HEATR1: variants seen among roughly 807,000 people sequenced by gnomAD.
HEATR1 encodes the protein HEAT repeat-containing protein 1.
Under a neutral mutation model 248.2 loss-of-function variants are expected in HEATR1, and 77 were observed. The ratio of observed to expected loss-of-function variants is 0.31; its 90% CI spans 0.26 to 0.37. HEATR1 has a LOEUF of 0.37. Ranked by LOEUF, HEATR1 falls within the 10% of genes least tolerant of loss-of-function variation. The pLI is 1.00. For missense variants in HEATR1, 2,420 were observed against 2,504.9 expected (o/e 0.97, Z 0.72); for synonymous variants, 897 against 923.1 (o/e 0.97, Z 0.51).
chr1:236,597,544 C>A (rs1189999484), intron 5 of HEATR1, among the ~76,000 whole-genome samples: 1 of 152,152 alleles, frequency 6.6e-6, no homozygotes, highest in East Asian at 1.9e-4. Flanking sequence ...TGAGCCACCG[C>A]ACCTGGCCTT....
intron 17 of HEATR1, 109 bp from the exon 18 acceptor site, chr1:236,583,305 G>A (rs115571840): frequency 3.9e-5 from 35 of 898,136 alleles, no homozygotes; most frequent in Non-Finnish European, 5.4e-5. Flanking sequence ...GTGCATTTTG[G>A]TGGGGAAAGG....
chr1:236,556,828 C>A lies in HEATR1; in HGVS notation c.5355+367G>T, dbSNP rs142188344. On this transcript the variant is annotated intron_variant, in intron 37 of 44. Transcript: ENST00000366582. Reference sequence around the variant, plus strand: ...TACAAAAATTCTGCTTTGCAAGATGCCTTAGGATTATACCTCTCACAGTAG... The same window carrying A: ...TACAAAAATTCTGCTTTGCAAGATGACTTAGGATTATACCTCTCACAGTAG... Among the ~76,000 whole-genome samples, 67 of 152,248 alleles carry A rather than the reference C, an allele frequency of 4.4e-4. 2 individuals are homozygous for A. Among genetic ancestry groups the A allele is most frequent in the African/African-American group, 1.6e-3 (66 of 41,530 alleles).
chr1:236,564,684 G>T, intron 31 of HEATR1, 23 bp from the exon 32 acceptor site: 1 of 1,597,634 alleles, frequency 6.3e-7, no homozygotes, highest in South Asian at 1.1e-5. Context: ...TAAAACAAGT[G>T]ACCTTACTCA....
At position 236,599,583 on chromosome 1, in the gene HEATR1, C is replaced by A; in HGVS notation, c.401G>T (p.Cys134Phe). The change falls in exon 4 of 45, where the codon TGT (cysteine) becomes TTT (phenylalanine). Residue 134 changes from cysteine to phenylalanine, a missense_variant. Cys to Phe is a radical substitution (Grantham distance 205). Transcript: ENST00000366582. ...HLYNQDSLIA[C>F]VLPYHETRIF... The stretch of plus-strand genomic sequence containing the variant: ...TCTTGTCTCGTGGTATGGCAGAACA[C>A]AAGCAATGAGGCTATCTTGATTATA... 1 of 1,613,728 alleles carries A rather than the reference C, an allele frequency of 6.2e-7. No individual in the cohort carries two copies. Among genetic ancestry groups the A allele is most frequent in the Admixed American group, 1.7e-5 (1 of 60,002 alleles).
rs199842081 is a variant in HEATR1 at position 236,555,671 on chromosome 1, C to T, written c.5650-16G>A. 4 of 1,612,364 alleles carry T rather than the reference C, an allele frequency of 2.5e-6. No homozygotes were observed. The highest frequency in any genetic ancestry group is 1.1e-5 in the South Asian group (1 of 91,032). ...CCAGATCGTTCTGAAAACAGAAGAG[C>T]CCATTTATTAGAGTGCTGATACCTG... is the stretch of plus-strand genomic sequence containing the variant. On this transcript the variant is annotated splice_polypyrimidine_tract_variant and intron_variant, in intron 39 of 44. Coordinates refer to ENST00000366582, the MANE Select transcript of HEATR1 (RefSeq NM_018072.6).
chr1:236,563,624 A>G (rs764635700), intron 32 of HEATR1, among the ~76,000 whole-genome samples: 3 of 152,210 alleles, frequency 2.0e-5, no homozygotes, highest in Non-Finnish European at 4.4e-5. Context: ...TGTGAAATGT[A>G]AAATGATCAT....
chr1:236,586,222 AAAC>A lies in HEATR1; in HGVS notation c.1927+16_1927+18del, dbSNP rs1663880268. 6.4e-7 allele frequency: 1 copy of A among 1,571,336 alleles called. No individual in the cohort carries two copies. The highest frequency in any genetic ancestry group is 1.4e-5 in the African/African-American group (1 of 73,006). ...TGTTATCTGTTCACTTTTTCTAAAA[AAAC>A]AACTGAATTTTTTACCTTCTTCCCA... On this transcript the variant is annotated intron_variant, in intron 15 of 44. Transcript: ENST00000366582.
chr1:236,603,221 G>A lies in HEATR1; in HGVS notation c.298C>T (p.His100Tyr). The A allele has an allele frequency of 6.2e-7, 1 of 1,614,134 alleles. No individual in the cohort carries two copies. Among genetic ancestry groups the A allele is most frequent in the Non-Finnish European group, 8.5e-7 (1 of 1,180,002 alleles). Residue 100 changes from histidine (H) to tyrosine (Y), a missense_variant, in exon 3 of 45, where the codon CAC becomes TAC. Physicochemically the swap from His to Tyr is moderately conservative, Grantham distance 83. Transcript: ENST00000366582. ...LDENISLFLI[H>Y]LSPYFLLKPA... ...TTAAGCAGGAAGTAAGGCGACAAGT[G>A]AATAAGGAATAATGAAATGTTTTCA...
At chr1:236,554,170 T>C (rs1662869520) in intron 42 of HEATR1, among the ~76,000 whole-genome samples, 3 of 152,192 alleles carry the variant, frequency 2.0e-5, no homozygotes. Context: ...GGTGGGTGGA[T>C]CACTTGAGGT....
At chr1:236,598,478 G>A (rs2298099) in intron 4 of HEATR1, among the ~76,000 whole-genome samples, 9,728 of 152,192 alleles carry the variant, frequency 0.064, 450 homozygotes, top group East Asian at 0.23. Context: ...TTTAGTAGGT[G>A]AGTGGAGTTT....
In HEATR1 at chr1:236,552,118, T is replaced by A; in HGVS notation, c.6238-11A>T. The A allele has an allele frequency of 6.4e-7, 1 of 1,551,800 alleles. No homozygotes were observed. Among genetic ancestry groups the A allele is most frequent in the Non-Finnish European group, 8.9e-7 (1 of 1,125,108 alleles). ...AGCAGCAAATCGAACCTGAAAGGGA[T>A]AAAAGAGCAAAGAAATAAAAAGTAG... On this transcript the variant is annotated splice_polypyrimidine_tract_variant and intron_variant, in intron 43 of 44. Coordinates refer to ENST00000366582, the MANE Select transcript of HEATR1 (RefSeq NM_018072.6).
At chr1:236,565,537 A>G (rs1195531025) in intron 31 of HEATR1, among the ~76,000 whole-genome samples, 3 of 151,988 alleles carry the variant, frequency 2.0e-5, no homozygotes, top group African/African-American at 7.2e-5. Flanking sequence ...GTACAATTTT[A>G]ATATTTTGCT....
chr1:236,603,109 A>T, intron 3 of HEATR1, 51 bp downstream of exon 3: 1 of 1,414,138 alleles, frequency 7.1e-7, no homozygotes, highest in Non-Finnish European at 1.0e-6. Flanking sequence ...TTAATTTTTT[A>T]CAAGACCAAA....
chr1:236,599,678 C>A, intron 3 of HEATR1, 54 bp from the exon 4 acceptor site: 1 of 1,508,256 alleles, frequency 6.6e-7, no homozygotes, highest in Non-Finnish European at 9.0e-7. Flanking sequence ...TAATAAGCAC[C>A]TATTTCCTCA....
chr1:236,599,769 G>A, intron 3 of HEATR1, 145 bp from the exon 4 acceptor site: 1 of 719,820 alleles, frequency 1.4e-6, no homozygotes, highest in Non-Finnish European at 2.1e-6. Flanking sequence ...AAGATACAGA[G>A]CATTTAAAAA....
At chr1:236,553,337 C>T (rs1302333200) in intron 43 of HEATR1, among the ~76,000 whole-genome samples, 2 of 152,182 alleles carry the variant, frequency 1.3e-5, no homozygotes, top group Admixed American at 6.5e-5. Flanking sequence ...TTCTGCCCAA[C>T]GCACCATTGG....
rs1274338811 is a variant in HEATR1 at position 236,604,081 on chromosome 1, G to A, written c.15C>T (p.Ala5=). The change falls in exon 2 of 45, where the codon GCC becomes GCT. Residue 5 remains alanine (A), a synonymous_variant. Coordinates refer to ENST00000366582, the MANE Select transcript of HEATR1 (RefSeq NM_018072.6). Reference sequence around the variant, plus strand: ...GGAGGGCGAGTCGTTGCAGCTGCTGGGCTAAGGACGTCATCTTTCACGCCA... The same window carrying A: ...GGAGGGCGAGTCGTTGCAGCTGCTGAGCTAAGGACGTCATCTTTCACGCCA... The part of the protein sequence containing the change: MTSL[A]QQLQRLALPQ... 1 of 1,566,492 alleles carries A rather than the reference G, an allele frequency of 6.4e-7. No individual in the cohort carries two copies. The highest frequency in any genetic ancestry group is 8.6e-7 in the Non-Finnish European group (1 of 1,164,504).
At position 236,595,937 on chromosome 1, in the gene HEATR1, T is replaced by C; in HGVS notation, c.852A>G (p.Ser284=). 1.2e-6 allele frequency: 2 copies of C among 1,613,840 alleles called. No individual in the cohort carries two copies. Among genetic ancestry groups the C allele is most frequent in the Non-Finnish European group, 1.7e-6 (2 of 1,179,736 alleles). The part of the protein sequence containing the change: ...MENTFVNSLA[S]QIIKTLTKIP... ...TCTTGGTCAATGTTTTGATGATCTG[T>C]GATGCCAATGAATTCACAAAGGTAT... The change falls in exon 7 of 45, where the codon TCA becomes TCG. Residue 284 remains serine, a synonymous_variant. Coordinates refer to ENST00000366582, the MANE Select transcript of HEATR1 (RefSeq NM_018072.6).
Position 236,577,730 on chromosome 1 carries a change from C to A in HEATR1, c.2756-781G>T, listed in dbSNP as rs145699985. 2.4e-3 allele frequency among the ~76,000 whole-genome samples: 371 copies of A among 152,206 alleles called. 2 individuals are homozygous for A. Among genetic ancestry groups the A allele is most frequent in the African/African-American group, 8.6e-3 (356 of 41,530 alleles). ...CTCGAACTCCCAACCTCAGGTGATC[C>A]GCCCACCTCGGCCTCCCAAAGTGCT... On this transcript the variant is annotated intron_variant, in intron 20 of 44. Transcript: ENST00000366582.
Sources: gnomAD v4.1 joint callset for allele counts (sites outside exome capture counted in the v4.1 genomes callset) on GRCh38, gnomAD v4.1.1 for gene constraint, MANE v1.5 for transcripts, NCBI Gene and HGNC (gene_info 2026-07-23, HGNC 2026-07-21) for gene names.